PRKCA: variants seen among roughly 807,000 people sequenced by gnomAD.
PRKCA encodes protein kinase C alpha type.
A neutral mutation model predicts 87.0 loss-of-function variants in PRKCA; 27 were observed. The observed-to-expected ratio is 0.31, with a 90% CI of 0.23 to 0.43. The LOEUF (loss-of-function observed/expected upper bound fraction) is 0.43, where lower values mean the gene tolerates loss of function less well. Ranked by LOEUF, PRKCA falls within the 20% of genes least tolerant of loss-of-function variation. PRKCA has a pLI of 1.00. For missense variants in PRKCA, 518 were observed against 852.3 expected, an observed-to-expected ratio of 0.61 and a Z score of 4.88; for synonymous variants, 329 against 311.1, an observed-to-expected ratio of 1.06 and a Z score of -0.61.
chr17:66,488,130 C>T (rs1567854231), intron 2 of PRKCA, among the ~76,000 whole-genome samples: 4 of 152,098 alleles, frequency 2.6e-5, no homozygotes, highest in South Asian at 2.1e-4. Flanking sequence ...CAAGTTAATT[C>T]TTAACTTGCC....
At chr17:66,389,472 G>A (rs774503453) in intron 2 of PRKCA, among the ~76,000 whole-genome samples, 10 of 152,194 alleles carry the variant, frequency 6.6e-5, no homozygotes, top group South Asian at 2.1e-4. Context: ...ACCTTTGCAG[G>A]GATATCGTAA....
chr17:66,643,108 A>G (rs1260256656), intron 4 of PRKCA, among the ~76,000 whole-genome samples: 1 of 152,216 alleles, frequency 6.6e-6, no homozygotes, highest in Non-Finnish European at 1.5e-5. Flanking sequence ...GGGGTTCTGC[A>G]AGGGCTTACA....
At chr17:66,425,180 A>G (rs914639255) in intron 2 of PRKCA, among the ~76,000 whole-genome samples, 3 of 152,160 alleles carry the variant, frequency 2.0e-5, no homozygotes, top group Non-Finnish European at 4.4e-5. Context: ...AAACGTAGCC[A>G]AAGTTTTCAG....
chr17:66,798,415 G>C (rs867605774), intron 16 of PRKCA, among the ~76,000 whole-genome samples: 1,478 of 138,998 alleles, frequency 0.011, 19 homozygotes, highest in Non-Finnish European at 0.016. Context: ...TGATGGTGAT[G>C]GTGGTGGTGG....
At chr17:66,616,311 A>G (rs1310245359) in intron 3 of PRKCA, among the ~76,000 whole-genome samples, 2 of 152,052 alleles carry the variant, frequency 1.3e-5, no homozygotes, top group South Asian at 4.2e-4. Context: ...TAGAAAGAAC[A>G]TTGTCCATTC....
chr17:66,618,571 G>T (rs557430265), intron 3 of PRKCA, among the ~76,000 whole-genome samples: 2 of 152,144 alleles, frequency 1.3e-5, no homozygotes, highest in Non-Finnish European at 2.9e-5. Context: ...TTACTACCAG[G>T]TACAGTTTTG....
intron 13 of PRKCA, among the ~76,000 whole-genome samples, chr17:66,756,435 T>C (rs1427581045): frequency 6.6e-6 from 1 of 151,982 alleles, no homozygotes; most frequent in African/African-American, 2.4e-5. Context: ...CGTCGGACCG[T>C]AGCACACTTC....
chr17:66,705,097 C>T (rs967582609), intron 8 of PRKCA, among the ~76,000 whole-genome samples: 2 of 152,170 alleles, frequency 1.3e-5, no homozygotes, highest in African/African-American at 4.8e-5. Context: ...AATCTATGTG[C>T]CCCAATATGC....
intron 3 of PRKCA, among the ~76,000 whole-genome samples, chr17:66,497,561 G>C (rs947480524): frequency 1.3e-5 from 2 of 151,476 alleles, no homozygotes; most frequent in African/African-American, 4.9e-5. Context: ...ATGTTGGATA[G>C]AGAGAAACTT....
intron 2 of PRKCA, among the ~76,000 whole-genome samples, chr17:66,441,469 T>A (rs759487277): frequency 5.9e-5 from 9 of 152,208 alleles, no homozygotes; most frequent in Non-Finnish European, 1.0e-4. Context: ...AAAGTCTGCT[T>A]CTGTTTCTAA....
chr17:66,577,834 G>A (rs989731248), intron 3 of PRKCA, among the ~76,000 whole-genome samples: 2 of 152,078 alleles, frequency 1.3e-5, no homozygotes, highest in Non-Finnish European at 2.9e-5. Context: ...TGAGGACGGG[G>A]TAGTGGGGGG....
At chr17:66,722,107 T>C (rs1392902189) in intron 8 of PRKCA, among the ~76,000 whole-genome samples, 2 of 152,218 alleles carry the variant, frequency 1.3e-5, no homozygotes, top group Non-Finnish European at 2.9e-5. Context: ...TAAGAATTTC[T>C]GGACAGAGGG....
chr17:66,463,556 C>T (rs1190456318), intron 2 of PRKCA, among the ~76,000 whole-genome samples: 1 of 151,962 alleles, frequency 6.6e-6, no homozygotes, highest in African/African-American at 2.4e-5. Flanking sequence ...CCACCATGCC[C>T]AGCTAATTTT....
intron 11 of PRKCA, among the ~76,000 whole-genome samples, chr17:66,740,762 A>C (rs1311139005): frequency 6.6e-6 from 1 of 152,224 alleles, no homozygotes; most frequent in Admixed American, 6.5e-5. Flanking sequence ...AGTAACATAA[A>C]GGTGTCTGGT....
chr17:66,534,351 T>C (rs1967687352), intron 3 of PRKCA, among the ~76,000 whole-genome samples: 1 of 152,122 alleles, frequency 6.6e-6, no homozygotes, highest in South Asian at 2.1e-4. Flanking sequence ...CTCTTGGGTT[T>C]TGTAGTCTGA....
chr17:66,440,714 ACT>A (rs2143870826), intron 2 of PRKCA, among the ~76,000 whole-genome samples: 1 of 151,986 alleles, frequency 6.6e-6, no homozygotes, highest in African/African-American at 2.4e-5. Flanking sequence ...AGTGAGGGAC[ACT>A]CTTCAAGATC....
chr17:66,548,342 G>A (rs1184608681), intron 3 of PRKCA, among the ~76,000 whole-genome samples: 2 of 152,064 alleles, frequency 1.3e-5, no homozygotes, highest in Non-Finnish European at 2.9e-5. Flanking sequence ...GGAAGGAGAG[G>A]GGCAGAAAGT....
intron 2 of PRKCA, among the ~76,000 whole-genome samples, chr17:66,403,006 C>T (rs1290299234): frequency 1.3e-5 from 2 of 152,098 alleles, no homozygotes; most frequent in Non-Finnish European, 2.9e-5. Flanking sequence ...CTTTTAGTCA[C>T]ATTTATTGAT....
chr17:66,337,346 C>T (rs947636332), intron 2 of PRKCA, among the ~76,000 whole-genome samples: 1 of 152,162 alleles, frequency 6.6e-6, no homozygotes, highest in Non-Finnish European at 1.5e-5. Context: ...CTCCATTTTA[C>T]AAGCAAGGAA....
Sources: allele counts gnomAD v4.1 joint callset (sites outside exome capture counted in the v4.1 genomes callset), GRCh38; gene constraint gnomAD v4.1.1; transcripts MANE v1.5; gene names NCBI Gene and HGNC (gene_info 2026-07-23, HGNC 2026-07-21).